The following CAD variants were observed in gnomAD, a reference collection of about 807,000 sequenced individuals.
The protein encoded by CAD is carbamoyl-phosphate synthetase 2, aspartate transcarbamylase, and dihydroorotase, also known as multifunctional protein CAD.
Under a neutral mutation model 237.2 loss-of-function variants are expected in CAD, and 81 were observed. The observed-to-expected ratio is 0.34, with a 90% confidence interval of 0.29 to 0.41. The LOEUF (loss-of-function observed/expected upper bound fraction) is 0.41, where lower values mean the gene tolerates loss of function less well. Ranked by LOEUF, CAD falls within the 10% of genes least tolerant of loss-of-function variation. The pLI is 1.00. For missense variants in CAD, 2,181 were observed against 2,951.7 expected (o/e 0.74, Z 6.05); for synonymous variants, 1,196 against 1,162.8 (o/e 1.03, Z -0.58).
Position 27,233,383 on chromosome 2 carries a change from C to T in CAD, c.3063C>T (p.Asn1021=). 1.2e-6 allele frequency: 2 copies of T among 1,614,276 alleles called. No individual in the cohort carries two copies. The highest frequency in any genetic ancestry group is 1.7e-6 in the Non-Finnish European group (2 of 1,180,046). Residue 1021 remains asparagine (N), a synonymous_variant, in exon 20 of 44, where the codon AAC becomes AAT. Coordinates refer to ENST00000264705, the MANE Select transcript of CAD (RefSeq NM_004341.5). This position sits in a 1 kb window ranked among gnomAD's most constrained non-coding sequence, Gnocchi z 6.3. ...VILSMGGQLP[N]NMAMALHRQQ... is the part of the protein sequence containing the mutation. ...TATCCATGGGTGGACAGCTGCCCAACAACATGGCCATGGCGTTGCATCGGC... is the reference window on the plus strand; with the variant it reads ...TATCCATGGGTGGACAGCTGCCCAATAACATGGCCATGGCGTTGCATCGGC...
At position 27,237,954 on chromosome 2, in the gene CAD, C is replaced by T; in HGVS notation, c.4728+72C>T. On this transcript the variant is annotated intron_variant, in intron 29 of 43. Coordinates refer to ENST00000264705, the MANE Select transcript of CAD (RefSeq NM_004341.5). The surrounding 1 kb of genome is among the most constrained non-coding windows in gnomAD (Gnocchi z 4.0). ...GCTTGTGGGCCCCTGCCTAAGTGGG[C>T]TGGTAGCAGTGAGGATTCAGGGGAG... 2 of 1,575,176 alleles carry T rather than the reference C, an allele frequency of 1.3e-6. No individual in the cohort carries two copies. The highest frequency in any genetic ancestry group is 1.7e-6 in the Non-Finnish European group (2 of 1,157,948).
At position 27,225,237 on chromosome 2, in the gene CAD, T is replaced by C. The variant is rs138303013; in HGVS notation, c.1614T>C (p.Leu538=). Residue 538 remains leucine, a synonymous_variant, in exon 11 of 44, where the codon CTT becomes CTC. Transcript: ENST00000264705. ...HVAPSEAANS[L]EQAQAAAERL... The stretch of plus-strand genomic sequence containing the variant: ...CCCCGAGCGAGGCAGCAAATTCTCT[T>C]GAACAGGTTGGAGGGGTGTTTGGGT... 43 of 1,605,584 alleles carry C rather than the reference T, an allele frequency of 2.7e-5. No homozygotes were observed. The highest frequency in any genetic ancestry group is 3.6e-5 in the Non-Finnish European group (42 of 1,173,106).
rs776512031 is a variant in CAD at position 27,240,655 on chromosome 2, TC to T, written c.5594-254del. The T allele has an allele frequency of 3.9e-6, 6 of 1,539,914 alleles. No homozygotes were observed. The highest frequency in any genetic ancestry group is 3.5e-6 in the Non-Finnish European group (4 of 1,140,036). On this transcript the variant is annotated intron_variant, in intron 35 of 43. Coordinates refer to ENST00000264705, the MANE Select transcript of CAD (RefSeq NM_004341.5). The surrounding 1 kb of genome is among the most constrained non-coding windows in gnomAD (Gnocchi z 4.6). ...TGTTGGTTGGTGTGAGTCTGGCCGT[TC>T]CTCTTGCCTAGGATGCCTTTGCCAA...
Position 27,240,385 on chromosome 2 carries a change from C to CA in CAD, c.5593+25dup. The CA allele has an allele frequency of 6.2e-7, 1 of 1,602,260 alleles. No homozygotes were observed. Among genetic ancestry groups the CA allele is most frequent in the Non-Finnish European group, 8.6e-7 (1 of 1,169,246 alleles). On this transcript the variant is annotated intron_variant, in intron 35 of 43. Coordinates refer to ENST00000264705, the MANE Select transcript of CAD (RefSeq NM_004341.5). The surrounding 1 kb of genome is among the most constrained non-coding windows in gnomAD (Gnocchi z 4.6). The stretch of plus-strand genomic sequence containing the variant: ...AGGTAAGAGTGGGGTTCCTGTGACT[C>CA]AGAGACTGTGTAGGGACAGGATCCA...
chr2:27,225,872 A>C lies in CAD; in HGVS notation c.1788A>C (p.Gly596=), dbSNP rs571416711. Reference sequence around the variant, plus strand: ...TGCTAGTAGACAAGTCTCTGAAGGGATGGAAGGAGATTGAGTACGAGGTGG... The same window carrying C: ...TGCTAGTAGACAAGTCTCTGAAGGGCTGGAAGGAGATTGAGTACGAGGTGG... The part of the protein sequence containing the change: ...SQVLVDKSLK[G]WKEIEYEVVR... The change falls in exon 12 of 44, where the codon GGA becomes GGC. Residue 596 remains glycine (G), a synonymous_variant. Transcript: ENST00000264705. 2.5e-6 allele frequency: 4 copies of C among 1,614,028 alleles called. No homozygotes were observed. In the African/African-American group the frequency reaches 4.0e-5, roughly 16 times the overall value.
intron 7 of CAD, 36 bp downstream of exon 7, chr2:27,223,784 G>T (rs376011086): frequency 1.9e-6 from 3 of 1,606,214 alleles, no homozygotes; most frequent in African/African-American, 1.3e-5. Flanking sequence ...AAAATTTGAA[G>T]CCCTGTGGGC....
At position 27,242,885 on chromosome 2, in the gene CAD, G is replaced by A. The variant is rs781687729; in HGVS notation, c.6392G>A (p.Ser2131Asn). 7.4e-6 allele frequency: 12 copies of A among 1,614,114 alleles called. No individual in the cohort carries two copies. Among genetic ancestry groups the A allele is most frequent in the Non-Finnish European group, 9.3e-6 (11 of 1,179,950 alleles). Residue 2131 changes from serine (S) to asparagine (N), a missense_variant, in exon 42 of 44, where the codon AGC becomes AAC. Ser to Asn is a conservative substitution (Grantham distance 46). Around this residue, in one of 12 missense-constraint regions of CAD, gnomAD observed 170 missense variants for 212.1 expected, o/e 0.80. Transcript: ENST00000264705. This position sits in a 1 kb window ranked among gnomAD's most constrained non-coding sequence, Gnocchi z 6.4. ...SRGTKQEEFE[S>N]IEEALPDTDV... The stretch of plus-strand genomic sequence containing the variant: ...CTCACCCTCCAGGAGGAATTCGAGA[G>A]CATTGAGGAGGCGCTGCCTGACACT...
intron 9 of CAD, 33 bp from the exon 10 acceptor site, chr2:27,224,712 G>A: frequency 6.2e-7 from 1 of 1,614,066 alleles, no homozygotes. Context: ...TGCTTCTTCA[G>A]CAGAGGCTGA....
At chr2:27,238,894 T>C (rs575805540) in intron 31 of CAD, 148 bp from the exon 32 acceptor site, 334 of 807,986 alleles carry the variant, frequency 4.1e-4, no homozygotes, top group Non-Finnish European at 6.1e-4. Context: ...AGCAGTCCTG[T>C]TGCCCTTGTT....
Position 27,240,318 on chromosome 2 carries a change from T to C in CAD, c.5550T>C (p.His1850=). 1.2e-6 allele frequency: 2 copies of C among 1,613,924 alleles called. No homozygotes were observed. The highest frequency in any genetic ancestry group is 1.7e-6 in the Non-Finnish European group (2 of 1,179,988). ...CAGGGCTTCCTGATGGCCGCTTCCA[T>C]CTGCCGCCCCGAATCCATCGAGCCT... The part of the protein sequence containing the change: ...GIPGLPDGRF[H]LPPRIHRASD... The change falls in exon 35 of 44, where the codon CAT becomes CAC. Residue 1850 remains histidine, a synonymous_variant. Coordinates refer to ENST00000264705, the MANE Select transcript of CAD (RefSeq NM_004341.5). This position sits in a 1 kb window ranked among gnomAD's most constrained non-coding sequence, Gnocchi z 4.6.
In CAD at chr2:27,241,720, G is replaced by A. The variant is rs1001827224; in HGVS notation, c.5884-191G>A. Among the ~76,000 whole-genome samples the A allele has an allele frequency of 4.6e-5, 7 of 152,156 alleles. No homozygotes were observed. The highest frequency in any genetic ancestry group is 1.0e-4 in the Non-Finnish European group (7 of 68,022). On this transcript the variant is annotated intron_variant, in intron 38 of 43. Transcript: ENST00000264705. This position sits in a 1 kb window ranked among gnomAD's most constrained non-coding sequence, Gnocchi z 4.6. ...ACACTTAATGATGGGTGGTTTTCTG[G>A]AGGCAGAGCCTTTAGCTCAGAGTGA...
Position 27,232,556 on chromosome 2 carries a change from C to T in CAD, c.2754C>T (p.Tyr918=). Residue 918 remains tyrosine (Y), a synonymous_variant, in exon 18 of 44, where the codon TAC becomes TAT. Transcript: ENST00000264705. This position sits in a 1 kb window ranked among gnomAD's most constrained non-coding sequence, Gnocchi z 4.1. ...AEWPAQTNYL[Y]LTYWGTTHDL... is the part of the protein sequence containing the mutation. ...GGCCAGCCCAGACAAATTACCTATA[C>T]CTAACGTATTGGGGCACCACCCATG... The T allele has an allele frequency of 6.2e-7, 1 of 1,614,232 alleles. No individual in the cohort carries two copies. The highest frequency in any genetic ancestry group is 2.2e-5 in the East Asian group (1 of 44,890).
intron 23 of CAD, among the ~76,000 whole-genome samples, 192 bp downstream of exon 23, chr2:27,234,877 A>G (rs1416500060): frequency 6.6e-6 from 1 of 152,142 alleles, no homozygotes; most frequent in East Asian, 1.9e-4. Flanking sequence ...TGGATCCCCA[A>G]AAAAGCTTTG....
rs780889445 is a variant in CAD, at chr2:27,233,187, G to T, written c.2991+47G>T. ...TGGTAGCTTGAGTGGCCAGGGTCGA[G>T]TAGAACAGCTGGCTGACCTAAGATT... On this transcript the variant is annotated intron_variant, in intron 19 of 43. Transcript: ENST00000264705. This position sits in a 1 kb window ranked among gnomAD's most constrained non-coding sequence, Gnocchi z 6.3. The T allele has an allele frequency of 4.6e-6, 7 of 1,515,534 alleles. No individual in the cohort carries two copies. The highest frequency in any genetic ancestry group is 5.5e-6 in the Non-Finnish European group (6 of 1,090,624). The allele number at this position is 1,515,534 out of a possible 1,614,324, so 93.9% of individuals were successfully genotyped here. A position where few individuals can be genotyped will look rare whatever the true frequency, so the allele number is the denominator to read the frequency against.
rs1484774715 is a variant in CAD, at chr2:27,233,580, T to C, written c.3216+44T>C. ...GGTTACCCGGAGGCTGGATGATGCT[T>C]GGGGGAAAGTGTGAACAACTCAGCT... On this transcript the variant is annotated intron_variant, in intron 20 of 43. Coordinates refer to ENST00000264705, the MANE Select transcript of CAD (RefSeq NM_004341.5). The surrounding 1 kb of genome is among the most constrained non-coding windows in gnomAD (Gnocchi z 6.3). The C allele has an allele frequency of 5.0e-6, 8 of 1,613,478 alleles. No individual in the cohort carries two copies. The highest frequency in any genetic ancestry group is 6.8e-6 in the Non-Finnish European group (8 of 1,179,636).
chr2:27,243,599 T>A lies in CAD; in HGVS notation c.*81T>A. 9.4e-7 allele frequency: 1 copy of A among 1,060,300 alleles called. No individual in the cohort carries two copies. Among genetic ancestry groups the A allele is most frequent in the Non-Finnish European group, 1.4e-6 (1 of 710,398 alleles). The allele number at this position is 1,060,300 out of a possible 1,614,324, so 65.7% of individuals were successfully genotyped here. ...AGTGCCTCCTACGGGGGCAGCACAC[T>A]TAGATATTCCTGGACATCCAGATAG... is the stretch of plus-strand genomic sequence containing the variant. On this transcript the variant is annotated 3_prime_UTR_variant, in exon 44 of 44. Coordinates refer to ENST00000264705, the MANE Select transcript of CAD (RefSeq NM_004341.5).
In CAD at chr2:27,224,421, G is replaced by A. The variant is rs746590642; in HGVS notation, c.1185G>A (p.Lys395=). Reference sequence around the variant, plus strand: ...GCTCTGGACTTCCACCACCACGAAAGGTTCTGATCCTGGGCTCAGGGGGCC... The same window carrying A: ...GCTCTGGACTTCCACCACCACGAAAAGTTCTGATCCTGGGCTCAGGGGGCC... The part of the protein sequence containing the change: ...TPGSGLPPPR[K]VLILGSGGLS... The change falls in exon 9 of 44, where the codon AAG becomes AAA. Residue 395 remains lysine, a synonymous_variant. Transcript: ENST00000264705. 7 of 1,614,084 alleles carry A rather than the reference G, an allele frequency of 4.3e-6. No individual in the cohort carries two copies. In the African/African-American group the frequency reaches 9.3e-5, roughly 22 times the overall value.
intron 3 of CAD, 55 bp downstream of exon 3, chr2:27,221,402 A>G: frequency 7.1e-7 from 1 of 1,408,922 alleles, no homozygotes; most frequent in Non-Finnish European, 9.3e-7. Context: ...CTGGATGGAA[A>G]GAATCAAGGT....
In CAD at chr2:27,217,433, GCGCCCC is replaced by G; in HGVS notation, c.-118_-113del. 4.5e-6 allele frequency: 4 copies of G among 884,586 alleles called. No individual in the cohort carries two copies. The highest frequency in any genetic ancestry group is 1.7e-5 in the African/African-American group (1 of 59,176). The allele number at this position is 884,586 out of a possible 1,614,324, so 54.8% of individuals were successfully genotyped here. A position where few individuals can be genotyped will look rare whatever the true frequency, so the allele number is the denominator to read the frequency against. ...CGCTGCCGCGCCCGGCTTCTCTCCA[GCGCCCC>G]GCGCCGTTAGCCACGTGGACCGACT... On this transcript the variant is annotated 5_prime_UTR_variant, in exon 1 of 44. Coordinates refer to ENST00000264705, the MANE Select transcript of CAD (RefSeq NM_004341.5).
Sources: allele counts gnomAD v4.1 joint callset (sites outside exome capture counted in the v4.1 genomes callset), GRCh38; gene constraint gnomAD v4.1.1; regional missense constraint gnomAD v4.1.1; non-coding constraint Gnocchi (gnomAD v3.1); transcripts MANE v1.5; gene names NCBI Gene and HGNC (gene_info 2026-07-23, HGNC 2026-07-21).